C12orf43: variants seen among roughly 807,000 people sequenced by gnomAD.
The protein encoded by C12orf43 is protein CUSTOS.
C12orf43 carries 15 observed loss-of-function variants against 20.6 expected under a neutral mutation model. The observed-to-expected ratio is 0.73, with a 90% CI of 0.49 to 1.12. The LOEUF is 1.12. Ranked by LOEUF, C12orf43 falls within the 50% of genes most tolerant of loss-of-function variation. The pLI is 0.00. For missense variants in C12orf43, 334 were observed against 344.4 expected (o/e 0.97, Z 0.24); for synonymous variants, 144 against 130.8 (o/e 1.10, Z -0.69).
chr12:121,014,684 C>CA (rs1311293899), intron 1 of C12orf43, among the ~76,000 whole-genome samples: 12 of 118,258 alleles, frequency 1.0e-4, no homozygotes, highest in Non-Finnish European at 1.8e-4. Flanking sequence ...AACAAACAAA[C>CA]AAAAAAAACT....
At chr12:121,009,095 G>A (rs937573510) in intron 3 of C12orf43, among the ~76,000 whole-genome samples, 2 of 152,084 alleles carry the variant, frequency 1.3e-5, no homozygotes, top group Non-Finnish European at 2.9e-5. Flanking sequence ...CTAAAGCCAC[G>A]CTTTGGGCTA....
intron 3 of C12orf43, among the ~76,000 whole-genome samples, chr12:121,009,056 C>T (rs983491638): frequency 3.9e-5 from 6 of 152,210 alleles, no homozygotes; most frequent in Admixed American, 6.5e-5. Context: ...GTGTTTCTCA[C>T]GCTTCTTTGC....
rs754994233 is a variant in C12orf43 at position 121,001,240 on chromosome 12, T to G, written c.*2913A>C. On this transcript the variant is annotated 3_prime_UTR_variant, in exon 6 of 6. Coordinates refer to ENST00000288757, the MANE Select transcript of C12orf43 (RefSeq NM_022895.3). ...CCTGTACTGCCTGCTTGGGGGGTGA[T>G]GAGGGCAGCAGCCAGCCCTGCCTGG... 5 of 1,608,512 alleles carry G rather than the reference T, an allele frequency of 3.1e-6. No individual in the cohort carries two copies. The highest frequency in any genetic ancestry group is 2.7e-5 in the African/African-American group (2 of 74,802).
chr12:121,013,661 C>T (rs1437325342), intron 1 of C12orf43, among the ~76,000 whole-genome samples: 1 of 152,202 alleles, frequency 6.6e-6, no homozygotes, highest in Non-Finnish European at 1.5e-5. Flanking sequence ...GAGTTCATCA[C>T]TGGATTTAAG....
intron 4 of C12orf43, 98 bp downstream of exon 4, chr12:121,006,223 G>C (rs2708082): frequency 2.5e-6 from 1 of 401,114 alleles, no homozygotes; most frequent in African/African-American, 2.8e-5. Flanking sequence ...CTCAAAAAAA[G>C]AAAAAAAAAA....
Position 121,010,917 on chromosome 12 carries a change from C to T in C12orf43, c.198G>A (p.Val66=). 6.2e-7 allele frequency: 1 copy of T among 1,614,148 alleles called. No individual in the cohort carries two copies. Among genetic ancestry groups the T allele is most frequent in the Non-Finnish European group, 8.5e-7 (1 of 1,180,006 alleles). Residue 66 remains valine (V), a synonymous_variant, in exon 3 of 6, where the codon GTG becomes GTA. Transcript: ENST00000288757. ...CGTTGCCATCTTGTTCATGCTCATT[C>T]ACCTTATGCCTACGACACACACAAA... ...STSQPSLRHK[V]NEHEQDGNEL...
Position 121,002,575 on chromosome 12 carries a change from G to T in C12orf43, c.*1578C>A, listed in dbSNP as rs1877586002. On this transcript the variant is annotated 3_prime_UTR_variant, in exon 6 of 6. Coordinates refer to ENST00000288757, the MANE Select transcript of C12orf43 (RefSeq NM_022895.3). The stretch of plus-strand genomic sequence containing the variant: ...GGCAGGTAGCGGGAGGCTGGGGCAG[G>T]CCAGAGGCCTGCGAAGAGGAGACAG... The T allele has an allele frequency of 2.2e-6, 1 of 451,970 alleles. No individual in the cohort carries two copies. Among genetic ancestry groups the T allele is most frequent in the Non-Finnish European group, 4.3e-6 (1 of 230,138 alleles). 28.0% of individuals were successfully genotyped at this position (451,970 alleles called of 1,614,324 possible).
chr12:121,003,852 A>T lies in C12orf43; in HGVS notation c.*301T>A. ...TTCACCACTTGGCCACTAGTCTCAA[A>T]TAACTGGAAGGTTCCTTTTTTCCTG... On this transcript the variant is annotated 3_prime_UTR_variant, in exon 6 of 6. Coordinates refer to ENST00000288757, the MANE Select transcript of C12orf43 (RefSeq NM_022895.3). The T allele has an allele frequency of 2.2e-6, 1 of 448,182 alleles. No homozygotes were observed. The allele number at this position is 448,182 out of a possible 1,614,324, so 27.8% of individuals were successfully genotyped here.
chr12:121,011,560 C>T (rs1304522247), intron 1 of C12orf43, among the ~76,000 whole-genome samples: 1 of 151,744 alleles, frequency 6.6e-6, no homozygotes, highest in Non-Finnish European at 1.5e-5. Flanking sequence ...TGAATCTTCC[C>T]AACAACCCGA....
rs1877480219 is a variant in C12orf43, at chr12:121,001,491, C to T, written c.*2662G>A. 2.1e-6 allele frequency: 1 copy of T among 471,498 alleles called. No individual in the cohort carries two copies. The highest frequency in any genetic ancestry group is 3.9e-6 in the Non-Finnish European group (1 of 253,418). 29.2% of individuals were successfully genotyped at this position (471,498 alleles called of 1,614,324 possible). ...TGGGATACAGTCTTCTTACTTGGAACTGAAGGGGGCGGCCTATGACTTGGG... is the reference window on the plus strand; with the variant it reads ...TGGGATACAGTCTTCTTACTTGGAATTGAAGGGGGCGGCCTATGACTTGGG... On this transcript the variant is annotated 3_prime_UTR_variant, in exon 6 of 6. Coordinates refer to ENST00000288757, the MANE Select transcript of C12orf43 (RefSeq NM_022895.3).
At chr12:121,012,610 TG>T in intron 1 of C12orf43, 1 of 606,242 alleles carries the variant, frequency 1.6e-6, no homozygotes, top group South Asian at 1.7e-5. Flanking sequence ...CCCAGCACTT[TG>T]GGAGGCTGAG....
At position 121,001,372 on chromosome 12, in the gene C12orf43, C is replaced by T. The variant is rs560506378; in HGVS notation, c.*2781G>A. ...GGGAGGGCTCTGAGGCGCCCCAACC[C>T]GTGGAGGCTGCTCGGGGTGCACAGG... On this transcript the variant is annotated 3_prime_UTR_variant, in exon 6 of 6. Transcript: ENST00000288757. 21 of 741,052 alleles carry T rather than the reference C, an allele frequency of 2.8e-5. No individual in the cohort carries two copies. The highest frequency in any genetic ancestry group is 7.1e-5 in the South Asian group (4 of 56,256). The allele number at this position is 741,052 out of a possible 1,614,324, so 45.9% of individuals were successfully genotyped here. A position where few individuals can be genotyped will look rare whatever the true frequency, so the allele number is the denominator to read the frequency against.
At position 121,004,068 on chromosome 12, in the gene C12orf43, G is replaced by C; in HGVS notation, c.*85C>G. 7.1e-7 allele frequency: 1 copy of C among 1,417,358 alleles called. No homozygotes were observed. Among genetic ancestry groups the C allele is most frequent in the Non-Finnish European group, 1.0e-6 (1 of 1,002,736 alleles). The allele number at this position is 1,417,358 out of a possible 1,614,324, so 87.8% of individuals were successfully genotyped here. A position where few individuals can be genotyped will look rare whatever the true frequency, so the allele number is the denominator to read the frequency against. On this transcript the variant is annotated 3_prime_UTR_variant, in exon 6 of 6. Transcript: ENST00000288757. The surrounding 1 kb of genome is among the most constrained non-coding windows in gnomAD (Gnocchi z 5.6). Reference sequence around the variant, plus strand: ...CCCAGTCCTTGAACTTGGAGAGGGAGGTGGGGCTTGGAAATGCCTTGTCCC... The same window carrying C: ...CCCAGTCCTTGAACTTGGAGAGGGACGTGGGGCTTGGAAATGCCTTGTCCC...
chr12:121,012,365 T>A, intron 1 of C12orf43: 2 of 702,108 alleles, frequency 2.8e-6, no homozygotes, highest in Non-Finnish European at 5.2e-6. Flanking sequence ...CGTGGGCCAA[T>A]GGGAGGACCT....
intron 3 of C12orf43, 125 bp from the exon 4 acceptor site, chr12:121,006,519 T>C: frequency 1.2e-6 from 1 of 854,542 alleles, no homozygotes; most frequent in Non-Finnish European, 1.9e-6. Context: ...CGTGCTGGCC[T>C]AGTAAGAGGG....
At chr12:121,011,664 T>C (rs1269632582) in intron 1 of C12orf43, among the ~76,000 whole-genome samples, 3 of 152,188 alleles carry the variant, frequency 2.0e-5, no homozygotes, top group African/African-American at 7.2e-5. Flanking sequence ...AGTGACAGGG[T>C]TGGGCTGGGG....
chr12:121,009,637 TG>T (rs1405131548), intron 3 of C12orf43, among the ~76,000 whole-genome samples: 1 of 152,214 alleles, frequency 6.6e-6, no homozygotes, highest in African/African-American at 2.4e-5. Context: ...CCATCTGTAC[TG>T]GGAAGAGGGC....
At chr12:121,010,961 C>A in intron 2 of C12orf43, 35 bp from the exon 3 acceptor site, 1 of 1,610,362 alleles carries the variant, frequency 6.2e-7, no homozygotes, top group Non-Finnish European at 8.5e-7. Context: ...ACTTCCTGCC[C>A]GCTCAGAAGC....
In C12orf43 at chr12:121,010,935, C is replaced by G. The variant is rs761995376; in HGVS notation, c.189-9G>C. On this transcript the variant is annotated splice_polypyrimidine_tract_variant and intron_variant, in intron 2 of 5. Transcript: ENST00000288757. ...GCTCATTCACCTTATGCCTACGACA[C>G]ACACAAAGAGACCTCACTTCCTGCC... 1.9e-6 allele frequency: 3 copies of G among 1,613,994 alleles called. No individual in the cohort carries two copies. The African/African-American group carries it at 4.0e-5, about 22-fold the overall frequency.
Sources: gnomAD v4.1 joint callset for allele counts (sites outside exome capture counted in the v4.1 genomes callset) on GRCh38, gnomAD v4.1.1 for gene constraint, Gnocchi (gnomAD v3.1) non-coding constraint, MANE v1.5 for transcripts, NCBI Gene and HGNC (gene_info 2026-07-23, HGNC 2026-07-21) for gene names.